The following DYNC2LI1 variants were observed in gnomAD, a reference collection of about 807,000 sequenced individuals.
DYNC2LI1 encodes dynein cytoplasmic 2 light intermediate chain 1, also known as cytoplasmic dynein 2 light intermediate chain 1.
A neutral mutation model predicts 51.9 loss-of-function variants in DYNC2LI1; 45 were observed. The observed-to-expected ratio is 0.87, with a 90% CI of 0.68 to 1.11. DYNC2LI1 has a LOEUF of 1.11. Among genes scored for constraint, DYNC2LI1 ranks in the 50% most tolerant of loss-of-function variants. DYNC2LI1 has a pLI of 0.00. For synonymous variants in DYNC2LI1, 130 were observed against 137.8 expected (o/e 0.94, Z 0.40); for missense variants, 490 against 417.4 (o/e 1.17, Z -1.51).
At chr2:43,780,359 G>A (rs1272370813) in intron 2 of DYNC2LI1, among the ~76,000 whole-genome samples, 1 of 152,280 alleles carries the variant, frequency 6.6e-6, no homozygotes, top group African/African-American at 2.4e-5. Flanking sequence ...ACCCATGTGG[G>A]TGTGAAGAAG....
At position 43,805,050 on chromosome 2, in the gene DYNC2LI1, C is replaced by G. The variant is rs10177630; in HGVS notation, c.901-104C>G. ...GAAAAGCTAGAAAGATCATAGAGAG[C>G]CTTTGTGGCAGGCTGAGGAATGGGA... On this transcript the variant is annotated intron_variant, in intron 11 of 12. Coordinates refer to ENST00000260605, the MANE Select transcript of DYNC2LI1 (RefSeq NM_016008.4). 138,861 of 714,904 alleles carry G rather than the reference C, an allele frequency of 0.19. 16,774 individuals are homozygous for G. The highest frequency in any genetic ancestry group is 0.46 in the African/African-American group (25,361 of 55,488). The allele number at this position is 714,904 out of a possible 1,614,324, so 44.3% of individuals were successfully genotyped here. A position where few individuals can be genotyped will look rare whatever the true frequency, so the allele number is the denominator to read the frequency against.
the DYNC2LI1 span, among the ~76,000 whole-genome samples, chr2:43,822,033 A>G: frequency 6.2e-4 from 94 of 152,110 alleles, no homozygotes; most frequent in African/African-American, 2.2e-3. Flanking sequence ...TCTACTCTCA[A>G]TCTGATGTTT....
intron 9 of DYNC2LI1, 90 bp from the exon 10 acceptor site, chr2:43,801,549 A>G: frequency 1.1e-6 from 1 of 892,720 alleles, no homozygotes; most frequent in Non-Finnish European, 1.8e-6. Flanking sequence ...ATGTAAAACT[A>G]GCCGATAATA....
At position 43,774,055 on chromosome 2, in the gene DYNC2LI1, A is replaced by T. The variant is rs571285051; in HGVS notation, c.-84A>T. ...TGGCAACCCAGAAGGCCTCACTCCC[A>T]GACTCCTTGCGGAGCTCGCCGCCTG... is the stretch of plus-strand genomic sequence containing the variant. On this transcript the variant is annotated 5_prime_UTR_variant, in exon 1 of 13. Transcript: ENST00000260605. 16 of 1,592,942 alleles carry T rather than the reference A, an allele frequency of 1.0e-5. No homozygotes were observed. Among genetic ancestry groups the T allele is most frequent in the Middle Eastern group, 3.3e-4 (2 of 6,026 alleles).
chr2:43,824,866 G>A, the DYNC2LI1 span: 1 of 1,612,938 alleles, frequency 6.2e-7, no homozygotes, highest in Non-Finnish European at 8.5e-7. Flanking sequence ...ATTCATGATG[G>A]GGAATGTGAA....
intron 6 of DYNC2LI1, 136 bp from the exon 7 acceptor site, chr2:43,795,754 C>A: frequency 1.5e-6 from 1 of 670,748 alleles, no homozygotes; most frequent in Non-Finnish European, 2.5e-6. Context: ...AATATTAGAA[C>A]AAATTCTATG....
the DYNC2LI1 span, among the ~76,000 whole-genome samples, chr2:43,821,528 C>A: frequency 6.6e-6 from 1 of 152,322 alleles, no homozygotes; most frequent in South Asian, 2.1e-4. Context: ...AGTGCCCTCA[C>A]TGCCGCAGAT....
chr2:43,819,869 A>T, the DYNC2LI1 span: 1 of 1,595,500 alleles, frequency 6.3e-7, no homozygotes. Flanking sequence ...GTGATCATTA[A>T]TAACAGATTA....
Position 43,800,021 on chromosome 2 carries a change from C to T in DYNC2LI1, c.655-820C>T, listed in dbSNP as rs528267549. On this transcript the variant is annotated intron_variant, in intron 8 of 12. Transcript: ENST00000260605. ...TGTGGAATTACCATTGGAACCATAA[C>T]GCTGATACCTTTGCTTCACAATTAG... 5.9e-5 allele frequency among the ~76,000 whole-genome samples: 9 copies of T among 152,308 alleles called. No homozygotes were observed. In the South Asian group the frequency reaches 1.7e-3, roughly 28 times the overall value.
chr2:43,781,377 A>C (rs1051132058), intron 2 of DYNC2LI1, among the ~76,000 whole-genome samples: 2 of 150,422 alleles, frequency 1.3e-5, no homozygotes, highest in African/African-American at 4.9e-5. Flanking sequence ...AAAAAAAAAA[A>C]CAAAAAAGGC....
At chr2:43,826,576 C>G in the DYNC2LI1 span, 1 of 1,612,988 alleles carries the variant, frequency 6.2e-7, no homozygotes, top group Non-Finnish European at 8.5e-7. Context: ...AGGCTCTGTG[C>G]TTAAAACTCA....
downstream of DYNC2LI1, chr2:43,810,098 C>A: frequency 1.9e-6 from 1 of 522,882 alleles, no homozygotes; most frequent in Non-Finnish European, 2.5e-6. Flanking sequence ...TATTTGGTTA[C>A]AGTTTTAAAT....
the DYNC2LI1 span, among the ~76,000 whole-genome samples, chr2:43,827,244 C>G: frequency 3.3e-5 from 5 of 150,778 alleles, no homozygotes; most frequent in African/African-American, 9.8e-5. Context: ...AGAATCGCTT[C>G]AACCTGGGAG....
chr2:43,803,633 C>T (rs1446085254), intron 10 of DYNC2LI1, among the ~76,000 whole-genome samples: 1 of 152,040 alleles, frequency 6.6e-6, no homozygotes, highest in Non-Finnish European at 1.5e-5. Flanking sequence ...ACTGTGGTAG[C>T]AAATACATGA....
chr2:43,813,709 G>GTTTTTTTTTTTTTT (rs1214033245), downstream of DYNC2LI1, among the ~76,000 whole-genome samples: 93 of 34,054 alleles, frequency 2.7e-3, 3 homozygotes, highest in Non-Finnish European at 3.4e-3. Context: ...TTTTTTTTTC[G>GTTTTTTTTTTTTTT]TTTTTTTTTT....
chr2:43,808,467 A>G (rs952178086), intron 12 of DYNC2LI1, among the ~76,000 whole-genome samples: 1 of 152,210 alleles, frequency 6.6e-6, no homozygotes, highest in African/African-American at 2.4e-5. Flanking sequence ...CTCATCTTGC[A>G]GAGTAACCAC....
At chr2:43,782,003 TTC>T (rs1267453607) in intron 2 of DYNC2LI1, among the ~76,000 whole-genome samples, 1 of 132,668 alleles carries the variant, frequency 7.5e-6, no homozygotes, top group African/African-American at 3.2e-5. Flanking sequence ...GTGTGTTTGT[TTC>T]TGTCTATGTG....
chr2:43,804,170 A>T (rs1322686295), intron 10 of DYNC2LI1, among the ~76,000 whole-genome samples: 2 of 152,254 alleles, frequency 1.3e-5, no homozygotes, highest in Admixed American at 6.5e-5. Flanking sequence ...ATGTGGGTCT[A>T]TTTCTTATTT....
chr2:43,825,115 T>C, the DYNC2LI1 span: 13 of 1,452,702 alleles, frequency 8.9e-6, no homozygotes, highest in Non-Finnish European at 1.0e-5. Flanking sequence ...AGGTCAGGTA[T>C]TCCTTATGGT....
Sources: allele counts gnomAD v4.1 joint callset (sites outside exome capture counted in the v4.1 genomes callset), GRCh38; gene constraint gnomAD v4.1.1; transcripts MANE v1.5; gene names NCBI Gene and HGNC (gene_info 2026-07-23, HGNC 2026-07-21).